Variants in ADAM22 observed in about 807,000 individuals in gnomAD.
ADAM22 encodes disintegrin and metalloproteinase domain-containing protein 22.
Under a neutral mutation model 144.6 loss-of-function variants are expected in ADAM22, and 65 were observed. The observed-to-expected ratio is 0.45, with a 90% CI of 0.37 to 0.55. The LOEUF (loss-of-function observed/expected upper bound fraction) is 0.55, where lower values mean the gene tolerates loss of function less well. ADAM22 is among the 20% of genes least tolerant of loss of function. The pLI is 0.00. For missense variants in ADAM22, 974 were observed against 1,184.9 expected (o/e 0.82, Z 2.61); for synonymous variants, 391 against 412.6 (o/e 0.95, Z 0.63).
intron 3 of ADAM22, among the ~76,000 whole-genome samples, chr7:87,999,256 G>T (rs891170720): frequency 1.3e-5 from 2 of 152,144 alleles, no homozygotes; most frequent in African/African-American, 4.8e-5. Flanking sequence ...TTACAGATAA[G>T]AAGGGAAAAA....
chr7:87,934,622 G>A, intron 1 of ADAM22, 72 bp downstream of exon 1: 1 of 1,346,558 alleles, frequency 7.4e-7, no homozygotes, highest in East Asian at 2.5e-5. Context: ...CAGGCGTATT[G>A]AAAAGGGGGC....
chr7:88,157,132 C>T (rs909645570), intron 22 of ADAM22, among the ~76,000 whole-genome samples: 1 of 151,922 alleles, frequency 6.6e-6, no homozygotes, highest in Non-Finnish European at 1.5e-5. Flanking sequence ...AAATCTTACA[C>T]ATTAGGATAG....
chr7:88,157,901 G>A (rs1034139097), intron 22 of ADAM22, among the ~76,000 whole-genome samples: 1 of 151,996 alleles, frequency 6.6e-6, no homozygotes, highest in Non-Finnish European at 1.5e-5. Flanking sequence ...AATAAATGAA[G>A]TGAATGGGGA....
At chr7:88,110,670 T>C (rs936897343) in intron 5 of ADAM22, among the ~76,000 whole-genome samples, 4 of 148,450 alleles carry the variant, frequency 2.7e-5, no homozygotes, top group African/African-American at 1.0e-4. Flanking sequence ...TTTTCTTTTC[T>C]CTTCTCTTTT....
rs1371671910 is a variant in ADAM22, at chr7:87,935,151, G to T, written c.211G>T (p.Asp71Tyr). 36 of 1,612,244 alleles carry T rather than the reference G, an allele frequency of 2.2e-5. No homozygotes were observed. The Admixed American group carries it at 3.5e-4, about 16-fold the overall frequency. ...AGACGAAAGTCGGCACGACGCGCTC[G>T]ACACGCGGGTGCGGGGCGACCTCGG... ...GEDESRHDAL[D>Y]TRVRGDLGGP... is the part of the protein sequence containing the mutation. The change falls in exon 2 of 32, where the codon GAC becomes TAC. Residue 71 changes from aspartate (D) to tyrosine (Y), a missense_variant. Around this residue, in one of 2 missense-constraint regions of ADAM22, gnomAD observed 240 missense variants for 234.3 expected, o/e 1.02. Coordinates refer to ENST00000413139, the MANE Select transcript of ADAM22 (RefSeq NM_001324418.2).
intron 4 of ADAM22, among the ~76,000 whole-genome samples, chr7:88,088,946 A>ATTTC (rs1165776289): frequency 1.3e-5 from 2 of 149,854 alleles, no homozygotes; most frequent in Admixed American, 1.3e-4. Context: ...ACTGCATTCC[A>ATTTC]TTTCTTTTTT....
chr7:88,089,929 G>A (rs1348107100), intron 4 of ADAM22: 1 of 152,054 alleles, frequency 6.6e-6, no homozygotes. Context: ...AGTCATTGGA[G>A]GTCTCCTGCT....
At position 88,151,266 on chromosome 7, in the gene ADAM22, T is replaced by C; in HGVS notation, c.1627T>C (p.Phe543Leu). 2 of 1,614,132 alleles carry C rather than the reference T, an allele frequency of 1.2e-6. No individual in the cohort carries two copies. Among genetic ancestry groups the C allele is most frequent in the Non-Finnish European group, 1.7e-6 (2 of 1,180,000 alleles). Residue 543 changes from phenylalanine to leucine, a missense_variant, in exon 20 of 32, where the codon TTT becomes CTT. Physicochemically the swap from Phe to Leu is conservative, Grantham distance 22. Transcript: ENST00000413139. ...TGCTTTTCCGTTTTAGGGAATTTGC[T>C]TTGGAGGAAGATGCAAAACCAGAGA... ...YSCDGVQGIC[F>L]GGRCKTRDRQ...
intron 3 of ADAM22, among the ~76,000 whole-genome samples, chr7:88,044,964 A>G (rs1430570817): frequency 1.3e-5 from 2 of 150,768 alleles, no homozygotes; most frequent in Non-Finnish European, 2.9e-5. Context: ...ACCTCAGGCG[A>G]TCCGCCCACC....
intron 3 of ADAM22, among the ~76,000 whole-genome samples, chr7:88,054,612 G>C (rs1422536240): frequency 6.6e-6 from 1 of 151,618 alleles, no homozygotes; most frequent in South Asian, 2.1e-4. Context: ...GTGTGTGTGT[G>C]TGTGTGTGTG....
chr7:88,132,731 A>G (rs1038197585), intron 11 of ADAM22, 136 bp from the exon 12 acceptor site: 2 of 652,552 alleles, frequency 3.1e-6, no homozygotes, highest in African/African-American at 3.7e-5. Context: ...CAATTTTCAC[A>G]TTCTTCCCTT....
chr7:88,088,656 G>C (rs1482210374), intron 4 of ADAM22, among the ~76,000 whole-genome samples: 1 of 152,130 alleles, frequency 6.6e-6, no homozygotes, highest in African/African-American at 2.4e-5. Context: ...AATTTCTTGC[G>C]ATCTCAAATT....
Position 88,136,045 on chromosome 7 carries a change from A to G in ADAM22, c.1220+14A>G, listed in dbSNP as rs911833500. The G allele has an allele frequency of 1.2e-6, 2 of 1,610,552 alleles. No individual in the cohort carries two copies. Among genetic ancestry groups the G allele is most frequent in the African/African-American group, 2.7e-5 (2 of 74,876 alleles). On this transcript the variant is annotated intron_variant, in intron 14 of 31. Coordinates refer to ENST00000413139, the MANE Select transcript of ADAM22 (RefSeq NM_001324418.2). ...GGGAGACACTGGGTGAGCCACTTGT[A>G]TTTGAAAATAACTCAGTCTTACATT...
chr7:88,145,521 A>G lies in ADAM22; in HGVS notation c.1485+14A>G, dbSNP rs1322541928. The G allele has an allele frequency of 6.2e-7, 1 of 1,600,660 alleles. No individual in the cohort carries two copies. Among genetic ancestry groups the G allele is most frequent in the Non-Finnish European group, 8.6e-7 (1 of 1,168,764 alleles). ...AAAAAGTGCAAGGTAAATAAACATT[A>G]ATGACCATTTGACAGAAAAAAAGGA... is the stretch of plus-strand genomic sequence containing the variant. On this transcript the variant is annotated intron_variant, in intron 17 of 31. Coordinates refer to ENST00000413139, the MANE Select transcript of ADAM22 (RefSeq NM_001324418.2).
At chr7:88,027,712 T>C (rs1258101245) in intron 3 of ADAM22, among the ~76,000 whole-genome samples, 1 of 152,204 alleles carries the variant, frequency 6.6e-6, no homozygotes, top group African/African-American at 2.4e-5. Context: ...TGATCTTTAT[T>C]ATTTCTTTTC....
chr7:88,086,422 A>C (rs1392344624), intron 4 of ADAM22, among the ~76,000 whole-genome samples: 1 of 152,178 alleles, frequency 6.6e-6, no homozygotes, highest in Non-Finnish European at 1.5e-5. Context: ...TATCTTGTTC[A>C]TGTAGCTGTG....
At chr7:88,023,244 A>G (rs1209005308) in intron 3 of ADAM22, among the ~76,000 whole-genome samples, 1 of 152,080 alleles carries the variant, frequency 6.6e-6, no homozygotes. Context: ...AGATCTCTTT[A>G]TATTTATTTA....
intron 2 of ADAM22, among the ~76,000 whole-genome samples, chr7:87,942,975 A>T (rs1255338497): frequency 1.3e-5 from 2 of 152,144 alleles, no homozygotes. Context: ...CAGGTAAAAG[A>T]GATATGTAAT....
rs1340652587 is a variant in ADAM22, at chr7:88,082,902, A to C, written c.390+7210A>C. ...TACACTGTTGGTGGGACTGTAAACT[A>C]GTGCAACCATTGTGGAAGTCAGTGT... On this transcript the variant is annotated intron_variant, in intron 4 of 31. Coordinates refer to ENST00000413139, the MANE Select transcript of ADAM22 (RefSeq NM_001324418.2). 2.6e-5 allele frequency among the ~76,000 whole-genome samples: 4 copies of C among 152,196 alleles called. No homozygotes were observed. The East Asian group carries it at 7.7e-4, about 29-fold the overall frequency.
Sources: allele counts gnomAD v4.1 joint callset (sites outside exome capture counted in the v4.1 genomes callset), GRCh38; gene constraint gnomAD v4.1.1; regional missense constraint gnomAD v4.1.1; transcripts MANE v1.5; gene names NCBI Gene and HGNC (gene_info 2026-07-23, HGNC 2026-07-21).